ALOX12B: variants seen among roughly 807,000 people sequenced by gnomAD.
The protein encoded by ALOX12B is arachidonate 12-lipoxygenase, 12R-type.
Under a neutral mutation model 78.9 loss-of-function variants are expected in ALOX12B, and 47 were observed. The observed-to-expected ratio is 0.60, with a 90% CI of 0.47 to 0.76. The LOEUF (loss-of-function observed/expected upper bound fraction) is 0.76, where lower values mean the gene tolerates loss of function less well. Ranked by LOEUF, ALOX12B falls within the 30% of genes least tolerant of loss-of-function variation. The pLI is 0.00. For synonymous variants in ALOX12B, 370 were observed against 374.5 expected (o/e 0.99, Z 0.14); for missense variants, 805 against 922.6 (o/e 0.87, Z 1.65).
At position 8,075,266 on chromosome 17, in the gene ALOX12B, G is replaced by A. The variant is rs577148861; in HGVS notation, c.1654+329C>T. On this transcript the variant is annotated intron_variant, in intron 12 of 14. Coordinates refer to ENST00000647874, the MANE Select transcript of ALOX12B (RefSeq NM_001139.3). ...GCTCCCTGGCCTCCTGCCCCTTCCC[G>A]TTGGAGCTCATACCCCATTTCACAG... Among the ~76,000 whole-genome samples, 137 of 152,254 alleles carry A rather than the reference G, an allele frequency of 9.0e-4. 1 individual carries two copies. The highest frequency in any genetic ancestry group is 2.6e-3 in the African/African-American group (110 of 41,546).
At chr17:8,073,532 G>T in intron 13 of ALOX12B, 125 bp downstream of exon 13, 2 of 1,099,482 alleles carry the variant, frequency 1.8e-6, no homozygotes, top group African/African-American at 1.6e-5. Context: ...GACTGGAGTT[G>T]AAGCTGGAAC....
chr17:8,085,446 T>C (rs9901075), intron 2 of ALOX12B, among the ~76,000 whole-genome samples: 65,139 of 151,952 alleles, frequency 0.43, 14,221 homozygotes, highest in Admixed American at 0.51. Flanking sequence ...AAACTCCGTC[T>C]CAAAAAAAGA....
chr17:8,080,559 C>A lies in ALOX12B; in HGVS notation c.650+99G>T. 6.3e-7 allele frequency: 1 copy of A among 1,582,802 alleles called. No individual in the cohort carries two copies. Among genetic ancestry groups the A allele is most frequent in the South Asian group, 1.1e-5 (1 of 89,066 alleles). ...TTTCAGCTCCCTCTGCCTTCCTGGC[C>A]ATTCCAACCTCTGGGGCTGTCTTGG... On this transcript the variant is annotated intron_variant, in intron 5 of 14. Coordinates refer to ENST00000647874, the MANE Select transcript of ALOX12B (RefSeq NM_001139.3). The surrounding 1 kb of genome is among the most constrained non-coding windows in gnomAD (Gnocchi z 4.8).
Position 8,080,657 on chromosome 17 carries a change from C to G in ALOX12B, c.650+1G>C. The G allele has an allele frequency of 6.2e-7, 1 of 1,614,132 alleles. No homozygotes were observed. The highest frequency in any genetic ancestry group is 2.2e-5 in the East Asian group (1 of 44,888). On this transcript the variant is annotated splice_donor_variant, in intron 5 of 14. Coordinates refer to ENST00000647874, the MANE Select transcript of ALOX12B (RefSeq NM_001139.3). LOFTEE classifies it high-confidence loss of function. The surrounding 1 kb of genome is among the most constrained non-coding windows in gnomAD (Gnocchi z 4.8). ...TTCTCCCGTCACTCACACGGACTCA[C>G]ATGGGCCCCAGGCGGACGAAGAAGG...
rs752979127 is a variant in ALOX12B at position 8,080,186 on chromosome 17, G to A, written c.754+49C>T. 6.3e-7 allele frequency: 1 copy of A among 1,596,364 alleles called. No homozygotes were observed. The highest frequency in any genetic ancestry group is 8.6e-7 in the Non-Finnish European group (1 of 1,164,016). The stretch of plus-strand genomic sequence containing the variant: ...AAGTCGGGGGCCTGCCTAGCACGCC[G>A]GAGACCGCCTGGCTCCCCCTGCTCG... On this transcript the variant is annotated intron_variant, in intron 6 of 14. Coordinates refer to ENST00000647874, the MANE Select transcript of ALOX12B (RefSeq NM_001139.3). This position sits in a 1 kb window ranked among gnomAD's most constrained non-coding sequence, Gnocchi z 4.8.
chr17:8,086,426 A>G lies in ALOX12B; in HGVS notation c.148-206T>C, dbSNP rs763848368. On this transcript the variant is annotated intron_variant, in intron 1 of 14. Coordinates refer to ENST00000647874, the MANE Select transcript of ALOX12B (RefSeq NM_001139.3). Reference sequence around the variant, plus strand: ...GGTCTCCTACTGGATTCCTCTACCCAGGGCTATGTAGGACTCCAGCCCCTC... The same window carrying G: ...GGTCTCCTACTGGATTCCTCTACCCGGGGCTATGTAGGACTCCAGCCCCTC... Among the ~76,000 whole-genome samples the G allele has an allele frequency of 1.8e-4, 27 of 152,178 alleles. No homozygotes were observed. In the South Asian group the frequency reaches 3.3e-3, roughly 19 times the overall value.
chr17:8,075,695 G>A lies in ALOX12B; in HGVS notation c.1554C>T (p.Thr518=), dbSNP rs765987028. 29 of 1,614,054 alleles carry A rather than the reference G, an allele frequency of 1.8e-5. No homozygotes were observed. Among genetic ancestry groups the A allele is most frequent in the Non-Finnish European group, 2.2e-5 (26 of 1,180,038 alleles). ...ALEKYVTEII[T]YYYPSDAAVE... ...CGGCTGCGTCACTCGGGTAATAATA[G>A]GTGATGATCTCCGTCACATACCTGA... Residue 518 remains threonine (T), a synonymous_variant, in exon 12 of 15, where the codon ACC becomes ACT. Coordinates refer to ENST00000647874, the MANE Select transcript of ALOX12B (RefSeq NM_001139.3).
At position 8,080,257 on chromosome 17, in the gene ALOX12B, A is replaced by G. The variant is rs780370363; in HGVS notation, c.732T>C (p.Pro244=). 7.4e-6 allele frequency: 12 copies of G among 1,614,180 alleles called. No individual in the cohort carries two copies. Among genetic ancestry groups the G allele is most frequent in the Non-Finnish European group, 1.0e-5 (12 of 1,180,008 alleles). The part of the protein sequence containing the change: ...KRLKDIRKIF[P]GKKSVVSEYV... ...TACCGGAGACGACAGATTTCTTGCCAGGGAAAATTTTCCTAATGTCCTTCA... is the reference window on the plus strand; with the variant it reads ...TACCGGAGACGACAGATTTCTTGCCGGGGAAAATTTTCCTAATGTCCTTCA... Residue 244 remains proline, a synonymous_variant, in exon 6 of 15, where the codon CCT becomes CCC. Transcript: ENST00000647874. This position sits in a 1 kb window ranked among gnomAD's most constrained non-coding sequence, Gnocchi z 4.8.
chr17:8,087,356 T>C lies in ALOX12B; in HGVS notation c.87A>G (p.Thr29=). Residue 29 remains threonine, a synonymous_variant, in exon 1 of 15, where the codon ACA becomes ACG. Transcript: ENST00000647874. ...RDSISLTIVG[T]QGESHKQLLN... ...GCAGCTGCTTATGGCTCTCTCCTTGTGTCCCCACAATGGTCAGTGAGATGG... is the reference window on the plus strand; with the variant it reads ...GCAGCTGCTTATGGCTCTCTCCTTGCGTCCCCACAATGGTCAGTGAGATGG... 3.1e-6 allele frequency: 5 copies of C among 1,614,230 alleles called. No individual in the cohort carries two copies. The highest frequency in any genetic ancestry group is 4.2e-6 in the Non-Finnish European group (5 of 1,180,028).
At position 8,079,659 on chromosome 17, in the gene ALOX12B, G is replaced by A. The variant is rs554561291; in HGVS notation, c.927+110C>T. Reference sequence around the variant, plus strand: ...GGGGTGGGACGGGGACAGGGACGCGGGGTGCGGGCTTGCCTGGGACTGGCG... The same window carrying A: ...GGGGTGGGACGGGGACAGGGACGCGAGGTGCGGGCTTGCCTGGGACTGGCG... On this transcript the variant is annotated intron_variant, in intron 7 of 14. Coordinates refer to ENST00000647874, the MANE Select transcript of ALOX12B (RefSeq NM_001139.3). This position sits in a 1 kb window ranked among gnomAD's most constrained non-coding sequence, Gnocchi z 6.4. 3.6e-3 allele frequency: 5,505 copies of A among 1,534,564 alleles called. 49 individuals are homozygous for A. The highest frequency in any genetic ancestry group is 0.023 in the South Asian group (1,911 of 82,708).
intron 10 of ALOX12B, 132 bp from the exon 11 acceptor site, chr17:8,076,476 G>A (rs1302208531): frequency 2.3e-6 from 3 of 1,287,988 alleles, no homozygotes; most frequent in Non-Finnish European, 3.3e-6. Flanking sequence ...ATCCTGCTCT[G>A]GGCCAGCACA....
At chr17:8,086,336 G>A in intron 1 of ALOX12B, 116 bp from the exon 2 acceptor site, 1 of 1,027,490 alleles carries the variant, frequency 9.7e-7, no homozygotes, top group Non-Finnish European at 1.5e-6. Context: ...TCACCTCCCT[G>A]GACTGACGGA....
chr17:8,087,599 G>T lies in ALOX12B; in HGVS notation c.-157C>A. 1 of 1,237,590 alleles carries T rather than the reference G, an allele frequency of 8.1e-7. No individual in the cohort carries two copies. The allele number at this position is 1,237,590 out of a possible 1,614,324, so 76.7% of individuals were successfully genotyped here. A position where few individuals can be genotyped will look rare whatever the true frequency, so the allele number is the denominator to read the frequency against. On this transcript the variant is annotated 5_prime_UTR_variant, in exon 1 of 15. Transcript: ENST00000647874. ...TGAGGTGGCGAGGTGGGGTGACTAG[G>T]CCTGCCAGCCAAATTCTGGAAAAGC...
At chr17:8,084,488 G>A (rs1200251046) in intron 2 of ALOX12B, among the ~76,000 whole-genome samples, 6 of 152,250 alleles carry the variant, frequency 3.9e-5, no homozygotes, top group South Asian at 2.1e-4. Context: ...GCGTGGCAGC[G>A]GCCCCACCCA....
chr17:8,087,667 C>G lies in ALOX12B; in HGVS notation c.-225G>C. On this transcript the variant is annotated 5_prime_UTR_variant, in exon 1 of 15. Coordinates refer to ENST00000647874, the MANE Select transcript of ALOX12B (RefSeq NM_001139.3). The stretch of plus-strand genomic sequence containing the variant: ...GGGGTGGGTGCCGGGCAGGCCCAGG[C>G]GGAGCCCAGCTGGTGGTGAGTGAGC... 1.5e-6 allele frequency: 1 copy of G among 655,590 alleles called. No homozygotes were observed. Among genetic ancestry groups the G allele is most frequent in the Non-Finnish European group, 2.6e-6 (1 of 384,886 alleles). 40.6% of individuals were successfully genotyped at this position (655,590 alleles called of 1,614,324 possible).
chr17:8,086,898 T>G (rs1283305388), intron 1 of ALOX12B, among the ~76,000 whole-genome samples: 1 of 149,800 alleles, frequency 6.7e-6, no homozygotes, highest in African/African-American at 2.5e-5. Flanking sequence ...GTGGAAAGGA[T>G]TGAGAAAAGA....
At chr17:8,077,934 G>T (rs1232800028) in intron 8 of ALOX12B, among the ~76,000 whole-genome samples, 1 of 152,158 alleles carries the variant, frequency 6.6e-6, no homozygotes, top group African/African-American at 2.4e-5. Flanking sequence ...TTCCACACCA[G>T]TGGATTCCAC....
intron 2 of ALOX12B, chr17:8,081,626 T>A: frequency 3.9e-6 from 1 of 255,504 alleles, no homozygotes; most frequent in Non-Finnish European, 7.8e-6. Context: ...CATTGTCTAT[T>A]GTTTTGCTAT....
In ALOX12B at chr17:8,072,950, G is replaced by C. The variant is rs760324884; in HGVS notation, c.1927C>G (p.Arg643Gly). 6.2e-7 allele frequency: 1 copy of C among 1,610,272 alleles called. No individual in the cohort carries two copies. Among genetic ancestry groups the C allele is most frequent in the Non-Finnish European group, 8.5e-7 (1 of 1,177,878 alleles). Residue 643 changes from arginine to glycine, a missense_variant and splice_region_variant, in exon 15 of 15, where the codon CGG (arginine) becomes GGG (glycine). Transcript: ENST00000647874. ...WTLSREPDDR[R>G]PLGHFPDIHF... ...ATGTCCGGGAAGTGTCCCAGGGGCCGCTGCGGGCAGAGAGCTCGACAGCTG... is the reference window on the plus strand; with the variant it reads ...ATGTCCGGGAAGTGTCCCAGGGGCCCCTGCGGGCAGAGAGCTCGACAGCTG...
Sources: allele counts gnomAD v4.1 joint callset (sites outside exome capture counted in the v4.1 genomes callset), GRCh38; gene constraint gnomAD v4.1.1; non-coding constraint Gnocchi (gnomAD v3.1); transcripts MANE v1.5; gene names NCBI Gene and HGNC (gene_info 2026-07-23, HGNC 2026-07-21).